Variants in ARHGAP26 observed in about 807,000 individuals in gnomAD.
ARHGAP26 encodes the protein rho GTPase-activating protein 26.
A neutral mutation model predicts 104.8 loss-of-function variants in ARHGAP26; 38 were observed. That is an observed-to-expected ratio of 0.36 (90% CI 0.28 to 0.48). ARHGAP26 has a LOEUF of 0.48. Ranked by LOEUF, ARHGAP26 falls within the 20% of genes least tolerant of loss-of-function variation. The pLI is 0.99. For synonymous variants in ARHGAP26, 341 were observed against 340.0 expected (o/e 1.00, Z -0.03); for missense variants, 704 against 947.9 (o/e 0.74, Z 3.38).
chr5:143,059,262 G>T (rs1284013491), intron 17 of ARHGAP26, among the ~76,000 whole-genome samples: 2 of 152,184 alleles, frequency 1.3e-5, no homozygotes, highest in Non-Finnish European at 2.9e-5. Context: ...AGGCCTTCAG[G>T]CCTGCAGAGA....
At chr5:142,995,320 A>G (rs1432338975) in intron 11 of ARHGAP26, among the ~76,000 whole-genome samples, 1 of 152,224 alleles carries the variant, frequency 6.6e-6, no homozygotes, top group Non-Finnish European at 1.5e-5. Context: ...AATTTACAAG[A>G]AAAAAACAAC....
chr5:142,854,802 A>G (rs1337850684), intron 1 of ARHGAP26, among the ~76,000 whole-genome samples: 1 of 152,236 alleles, frequency 6.6e-6, no homozygotes, highest in Non-Finnish European at 1.5e-5. Flanking sequence ...GACAGCTGTC[A>G]TTCTGAGACC....
At chr5:142,874,082 C>G (rs1339420658) in intron 2 of ARHGAP26, among the ~76,000 whole-genome samples, 1 of 152,116 alleles carries the variant, frequency 6.6e-6, no homozygotes, top group Non-Finnish European at 1.5e-5. Flanking sequence ...AGAGGAGCTC[C>G]GTATCTGGTT....
chr5:143,018,347 A>G (rs754783302), intron 12 of ARHGAP26, among the ~76,000 whole-genome samples: 2 of 152,192 alleles, frequency 1.3e-5, no homozygotes, highest in Non-Finnish European at 2.9e-5. Flanking sequence ...GCCCTTTTAT[A>G]TATTCAAATC....
intron 11 of ARHGAP26, among the ~76,000 whole-genome samples, chr5:142,988,534 T>C (rs1775115763): frequency 6.6e-6 from 1 of 152,188 alleles, no homozygotes; most frequent in Non-Finnish European, 1.5e-5. Context: ...TTCTGCTAGC[T>C]TTTGAATGTG....
At chr5:142,857,290 G>A (rs1752518426) in intron 1 of ARHGAP26, among the ~76,000 whole-genome samples, 2 of 152,182 alleles carry the variant, frequency 1.3e-5, no homozygotes, top group Non-Finnish European at 2.9e-5. Flanking sequence ...TCCACTACAG[G>A]AGGGGATATT....
At chr5:142,905,695 T>TA (rs1761012653) in intron 8 of ARHGAP26, among the ~76,000 whole-genome samples, 1 of 152,240 alleles carries the variant, frequency 6.6e-6, no homozygotes, top group African/African-American at 2.4e-5. Context: ...TCTTTTTATG[T>TA]AAACACATCT....
chr5:142,981,072 A>G (rs1363011618), intron 11 of ARHGAP26, among the ~76,000 whole-genome samples: 2 of 152,174 alleles, frequency 1.3e-5, no homozygotes, highest in Non-Finnish European at 2.9e-5. Flanking sequence ...TTCATTGCAA[A>G]TGTATCCTTT....
chr5:143,145,003 T>C (rs1798996069), intron 19 of ARHGAP26, among the ~76,000 whole-genome samples: 1 of 152,230 alleles, frequency 6.6e-6, no homozygotes, highest in African/African-American at 2.4e-5. Flanking sequence ...TTTCTTGTCA[T>C]ATGGCCCAGC....
chr5:143,150,637 C>CA (rs1799740357), intron 20 of ARHGAP26, among the ~76,000 whole-genome samples: 2 of 151,804 alleles, frequency 1.3e-5, no homozygotes, highest in Non-Finnish European at 2.9e-5. Context: ...CCACTACCAC[C>CA]AAAAAAAGAC....
chr5:142,853,890 C>A (rs1751940308), intron 1 of ARHGAP26, among the ~76,000 whole-genome samples: 1 of 152,036 alleles, frequency 6.6e-6, no homozygotes, highest in African/African-American at 2.4e-5. Context: ...ACAGTACTAG[C>A]CCTTAGTAAA....
At chr5:143,163,127 A>G (rs1801473258) in intron 20 of ARHGAP26, among the ~76,000 whole-genome samples, 1 of 152,136 alleles carries the variant, frequency 6.6e-6, no homozygotes, top group Admixed American at 6.5e-5. Context: ...AAAGAAAAAG[A>G]AAAAGACACT....
At chr5:143,119,516 C>A (rs1795885059) in intron 17 of ARHGAP26, among the ~76,000 whole-genome samples, 1 of 152,184 alleles carries the variant, frequency 6.6e-6, no homozygotes, top group Non-Finnish European at 1.5e-5. Context: ...TGACCATCTG[C>A]ATTAACTTTG....
intron 12 of ARHGAP26, among the ~76,000 whole-genome samples, chr5:143,036,333 C>G (rs13162227): frequency 6.6e-6 from 1 of 151,978 alleles, no homozygotes; most frequent in Admixed American, 6.6e-5. Flanking sequence ...AATTTCCAGC[C>G]TTGTTGTCAG....
At chr5:142,855,196 C>T (rs1752148311) in intron 1 of ARHGAP26, among the ~76,000 whole-genome samples, 1 of 152,158 alleles carries the variant, frequency 6.6e-6, no homozygotes, top group Non-Finnish European at 1.5e-5. Context: ...ACTGGCAAAA[C>T]AGCCTTTTAA....
intron 10 of ARHGAP26, chr5:142,919,458 G>C (rs2152500360): frequency 2.5e-6 from 1 of 398,466 alleles, no homozygotes; most frequent in East Asian, 3.6e-5. Context: ...CCAGTTTGTG[G>C]CACTTTGTTA....
At chr5:142,832,255 A>G (rs544175210) in intron 1 of ARHGAP26, among the ~76,000 whole-genome samples, 2 of 152,328 alleles carry the variant, frequency 1.3e-5, no homozygotes, top group South Asian at 2.1e-4. Context: ...CTAACTCCCA[A>G]TATAACTACT....
intron 20 of ARHGAP26, among the ~76,000 whole-genome samples, chr5:143,152,828 A>G (rs1487074627): frequency 6.6e-6 from 1 of 152,236 alleles, no homozygotes; most frequent in African/African-American, 2.4e-5. Flanking sequence ...TATCTCTCTC[A>G]GCGCAGCTCA....
intron 17 of ARHGAP26, among the ~76,000 whole-genome samples, chr5:143,061,270 A>G (rs1455611485): frequency 6.6e-6 from 1 of 152,196 alleles, no homozygotes; most frequent in Non-Finnish European, 1.5e-5. Flanking sequence ...CACTCTTATA[A>G]TCATAGAGGA....
Sources: gnomAD v4.1 joint callset for allele counts (sites outside exome capture counted in the v4.1 genomes callset) on GRCh38, gnomAD v4.1.1 for gene constraint, MANE v1.5 for transcripts, NCBI Gene and HGNC (gene_info 2026-07-23, HGNC 2026-07-21) for gene names.